ST3GAL1: variants seen among roughly 807,000 people sequenced by gnomAD.
The protein encoded by ST3GAL1 is ST3 beta-galactoside alpha-2,3-sialyltransferase 1.
Under a neutral mutation model 34.1 loss-of-function variants are expected in ST3GAL1, and 16 were observed. The observed-to-expected ratio is 0.47, with a 90% CI of 0.32 to 0.71. ST3GAL1 has a LOEUF of 0.71. ST3GAL1 is among the 30% of genes least tolerant of loss of function. The pLI, the probability that ST3GAL1 is intolerant of heterozygous loss-of-function variation, is 0.04. For missense variants in ST3GAL1, 353 were observed against 447.4 expected (o/e 0.79, Z 1.90); for synonymous variants, 191 against 184.7 (o/e 1.03, Z -0.28).
At chr8:133,465,799 C>G (rs1369680548) in intron 6 of ST3GAL1, 95 bp downstream of exon 6, 4 of 1,426,846 alleles carry the variant, frequency 2.8e-6, no homozygotes, top group Non-Finnish European at 2.9e-6. Flanking sequence ...CAGGACTGAA[C>G]CTTGCCTTCC....
At chr8:133,520,301 G>A (rs908796088) in intron 2 of ST3GAL1, among the ~76,000 whole-genome samples, 1 of 152,224 alleles carries the variant, frequency 6.6e-6, no homozygotes, top group Non-Finnish European at 1.5e-5. Flanking sequence ...CTGCCCACAC[G>A]CTGCTTGGTA....
intron 2 of ST3GAL1, among the ~76,000 whole-genome samples, chr8:133,537,412 T>C (rs1214397079): frequency 6.6e-6 from 1 of 152,042 alleles, no homozygotes; most frequent in East Asian, 1.9e-4. Context: ...CAGGGAAAGA[T>C]TAGAGTCCTG....
chr8:133,460,081 CCTT>C, intron 9 of ST3GAL1, 144 bp from the exon 10 acceptor site: 1 of 825,314 alleles, frequency 1.2e-6, no homozygotes, highest in Non-Finnish European at 1.8e-6. Context: ...CATTAAAAAC[CCTT>C]CTCTACGTTC....
intron 1 of ST3GAL1, among the ~76,000 whole-genome samples, chr8:133,547,003 A>AG (rs1818690276): frequency 7.8e-5 from 7 of 89,790 alleles, no homozygotes; most frequent in East Asian, 7.7e-4. Context: ...ACTCCATCTC[A>AG]GGAAAAAAAA....
chr8:133,517,705 A>G (rs1817687917), intron 2 of ST3GAL1, among the ~76,000 whole-genome samples: 2 of 152,196 alleles, frequency 1.3e-5, no homozygotes, highest in Admixed American at 1.3e-4. Flanking sequence ...GACTTCTGGA[A>G]AGTCCTTAAC....
chr8:133,507,641 GTTTC>G (rs1447920083), intron 2 of ST3GAL1, among the ~76,000 whole-genome samples: 4 of 152,302 alleles, frequency 2.6e-5, no homozygotes, highest in African/African-American at 9.6e-5. Context: ...AAGACGTATT[GTTTC>G]TTTCTTCTCC....
At chr8:133,478,313 A>T (rs1816255230) in intron 3 of ST3GAL1, among the ~76,000 whole-genome samples, 1 of 152,188 alleles carries the variant, frequency 6.6e-6, no homozygotes, top group Non-Finnish European at 1.5e-5. Flanking sequence ...ATGTGCCTTA[A>T]TTCATCCAGC....
Position 133,558,380 on chromosome 8 carries a change from C to A in ST3GAL1, c.-581-12454G>T, listed in dbSNP as rs1031169408. 2.6e-5 allele frequency among the ~76,000 whole-genome samples: 4 copies of A among 152,132 alleles called. No homozygotes were observed. The South Asian group carries it at 6.2e-4, about 24-fold the overall frequency. ...TTTTATGGATGAGGAAAGGGAAGTA[C>A]AGAGAGGTTCAGCAACTTGCTGAAG... is the stretch of plus-strand genomic sequence containing the variant. On this transcript the variant is annotated intron_variant, in intron 1 of 9. Transcript: ENST00000522652.
At chr8:133,484,527 C>T (rs1241682291) in intron 3 of ST3GAL1, among the ~76,000 whole-genome samples, 1 of 152,142 alleles carries the variant, frequency 6.6e-6, no homozygotes, top group East Asian at 1.9e-4. Context: ...CCCTCCTTTC[C>T]TACACACTCT....
At chr8:133,492,839 C>T (rs1004934291) in intron 3 of ST3GAL1, among the ~76,000 whole-genome samples, 13 of 152,236 alleles carry the variant, frequency 8.5e-5, no homozygotes, top group East Asian at 1.9e-4. Flanking sequence ...TACCCCACCT[C>T]GGGGAGCGTC....
chr8:133,460,988 T>A (rs147941648), intron 9 of ST3GAL1, among the ~76,000 whole-genome samples: 7 of 152,062 alleles, frequency 4.6e-5, no homozygotes, highest in Admixed American at 4.6e-4. Context: ...GGCAAGAACG[T>A]TAGGGCCAAA....
chr8:133,464,761 C>A lies in ST3GAL1; in HGVS notation c.683+17G>T. ...CAAGGGGCAGAGCAGCGAGGCGGGG[C>A]CACAGGAGGGACTCACTGGGAAATG... is the stretch of plus-strand genomic sequence containing the variant. On this transcript the variant is annotated intron_variant, in intron 7 of 9. Coordinates refer to ENST00000522652, the MANE Select transcript of ST3GAL1 (RefSeq NM_173344.3). 1 of 1,605,514 alleles carries A rather than the reference C, an allele frequency of 6.2e-7. No homozygotes were observed. Among genetic ancestry groups the A allele is most frequent in the South Asian group, 1.1e-5 (1 of 90,066 alleles).
chr8:133,511,053 T>G (rs1817487423), intron 2 of ST3GAL1, among the ~76,000 whole-genome samples: 1 of 152,224 alleles, frequency 6.6e-6, no homozygotes, highest in South Asian at 2.1e-4. Context: ...AATGAAAACC[T>G]CGTCATTTTC....
intron 2 of ST3GAL1, among the ~76,000 whole-genome samples, chr8:133,531,047 G>A (rs1818136971): frequency 4.6e-5 from 7 of 151,684 alleles, no homozygotes; most frequent in South Asian, 2.1e-4. Context: ...TTATGATTAT[G>A]CTCTGCAGCA....
intron 2 of ST3GAL1, among the ~76,000 whole-genome samples, chr8:133,531,787 G>C (rs1818161151): frequency 8.0e-6 from 1 of 124,854 alleles, no homozygotes; most frequent in African/African-American, 3.2e-5. Context: ...CACACGTTCT[G>C]CACTTGTATC....
intron 3 of ST3GAL1, among the ~76,000 whole-genome samples, chr8:133,483,268 G>T (rs1227108513): frequency 6.6e-6 from 1 of 152,170 alleles, no homozygotes; most frequent in Non-Finnish European, 1.5e-5. Flanking sequence ...CTTGAACCTG[G>T]GAGGTGGAGG....
At chr8:133,568,138 C>G (rs1221579270) in intron 1 of ST3GAL1, among the ~76,000 whole-genome samples, 2 of 152,148 alleles carry the variant, frequency 1.3e-5, no homozygotes, top group Non-Finnish European at 2.9e-5. Flanking sequence ...GCCAGCTGGT[C>G]TCAAACTCCT....
rs986989181 is a variant in ST3GAL1 at position 133,466,721 on chromosome 8, G to A, written c.307-631C>T. Among the ~76,000 whole-genome samples, 1 of 152,184 alleles carries A rather than the reference G, an allele frequency of 6.6e-6. No individual in the cohort carries two copies. Among genetic ancestry groups the A allele is most frequent in the Non-Finnish European group, 1.5e-5 (1 of 68,028 alleles). ...AGTTCCCCCGGCCCCAGCACTGCTG[G>A]GCTCCAGCCAGATTGAAGAATCAGC... On this transcript the variant is annotated intron_variant, in intron 5 of 9. Transcript: ENST00000522652. The surrounding 1 kb of genome is among the most constrained non-coding windows in gnomAD (Gnocchi z 4.4).
At chr8:133,522,629 A>G (rs1817846371) in intron 2 of ST3GAL1, among the ~76,000 whole-genome samples, 1 of 152,198 alleles carries the variant, frequency 6.6e-6, no homozygotes, top group South Asian at 2.1e-4. Context: ...GCCTACGTTC[A>G]TATCCAGCAG....
Sources: allele counts gnomAD v4.1 joint callset (sites outside exome capture counted in the v4.1 genomes callset), GRCh38; gene constraint gnomAD v4.1.1; non-coding constraint Gnocchi (gnomAD v3.1); transcripts MANE v1.5; gene names NCBI Gene and HGNC (gene_info 2026-07-23, HGNC 2026-07-21).